The following PXDNL variants were observed in gnomAD, a reference collection of about 807,000 sequenced individuals.
PXDNL encodes peroxidasin like, also known as probable oxidoreductase PXDNL.
A neutral mutation model predicts 150.8 loss-of-function variants in PXDNL; 145 were observed. That is an observed-to-expected ratio of 0.96 (90% confidence interval 0.84 to 1.10). PXDNL has a LOEUF of 1.10. Among genes scored for constraint, PXDNL ranks in the 50% least tolerant of loss-of-function variants. The pLI is 0.00. For synonymous variants in PXDNL, 757 were observed against 725.7 expected (o/e 1.04, Z -0.69); for missense variants, 2,087 against 1,873.9 (o/e 1.11, Z -2.10).
chr8:51,413,259 C>T lies in PXDNL; in HGVS notation c.1796-1G>A. On this transcript the variant is annotated splice_acceptor_variant, in intron 14 of 22. Coordinates refer to ENST00000356297, the MANE Select transcript of PXDNL (RefSeq NM_144651.5). LOFTEE classifies it high-confidence loss of function. ...TCGCCAGCTTGTCTACCCTGTATAGCTTTGAAAATCAATTCCATGATTAAA... is the reference window on the plus strand; with the variant it reads ...TCGCCAGCTTGTCTACCCTGTATAGTTTTGAAAATCAATTCCATGATTAAA... 2 of 1,573,508 alleles carry T rather than the reference C, an allele frequency of 1.3e-6. No homozygotes were observed. The highest frequency in any genetic ancestry group is 1.7e-6 in the Non-Finnish European group (2 of 1,145,208).
intron 4 of PXDNL, among the ~76,000 whole-genome samples, chr8:51,532,779 G>C (rs896097060): frequency 1.3e-5 from 2 of 152,102 alleles, no homozygotes; most frequent in Non-Finnish European, 2.9e-5. Flanking sequence ...CTGGAACATG[G>C]ATGCAGAGCA....
chr8:51,339,445 C>G (rs1000870789), intron 21 of PXDNL, among the ~76,000 whole-genome samples, 179 bp downstream of exon 21: 1 of 152,046 alleles, frequency 6.6e-6, no homozygotes, highest in Non-Finnish European at 1.5e-5. Flanking sequence ...GCCGACAGAA[C>G]AAGACTGTGT....
intron 4 of PXDNL, among the ~76,000 whole-genome samples, chr8:51,513,492 A>G (rs1284289562): frequency 6.6e-6 from 1 of 152,238 alleles, no homozygotes; most frequent in Non-Finnish European, 1.5e-5. Context: ...TCTTTTTGTG[A>G]CTTCAGACAA....
At chr8:51,499,851 G>T in intron 4 of PXDNL, 81 bp from the exon 5 acceptor site, 1 of 901,570 alleles carries the variant, frequency 1.1e-6, no homozygotes, top group Non-Finnish European at 1.8e-6. Context: ...AATTGCTTCA[G>T]CTGAAATTAT....
chr8:51,613,523 G>A lies in PXDNL; in HGVS notation c.237-20825C>T, dbSNP rs372044101. On this transcript the variant is annotated intron_variant, in intron 2 of 22. Transcript: ENST00000356297. ...GGCGGCAGAGGGGGAAGACAAGCTT[G>A]CAGAGAAAAAGATGATTTCAAGGAT... is the stretch of plus-strand genomic sequence containing the variant. 2.4e-3 allele frequency among the ~76,000 whole-genome samples: 366 copies of A among 151,796 alleles called. 1 individual carries two copies. The highest frequency in any genetic ancestry group is 8.6e-3 in the African/African-American group (357 of 41,324).
chr8:51,353,668 A>G (rs978755694), intron 19 of PXDNL, among the ~76,000 whole-genome samples: 3 of 152,170 alleles, frequency 2.0e-5, no homozygotes, highest in African/African-American at 7.2e-5. Flanking sequence ...ATATTTGAAG[A>G]TAAAGTTAAT....
chr8:51,517,520 T>C (rs887374876), intron 4 of PXDNL, among the ~76,000 whole-genome samples: 1 of 152,204 alleles, frequency 6.6e-6, no homozygotes, highest in Non-Finnish European at 1.5e-5. Context: ...TGCTCATGCT[T>C]TCTAAGACTT....
chr8:51,599,161 T>C lies in PXDNL; in HGVS notation c.237-6463A>G, dbSNP rs115128170. On this transcript the variant is annotated intron_variant, in intron 2 of 22. Transcript: ENST00000356297. The stretch of plus-strand genomic sequence containing the variant: ...TAATCTAGCTAGTGGTCTATCCATC[T>C]TGTTTGCCTTTTTGAACAACCAACT... Among the ~76,000 whole-genome samples the C allele has an allele frequency of 2.5e-3, 388 of 152,280 alleles. 1 individual carries two copies. Among genetic ancestry groups the C allele is most frequent in the African/African-American group, 9.0e-3 (374 of 41,574 alleles).
chr8:51,738,407 A>G (rs1417731768), intron 1 of PXDNL, among the ~76,000 whole-genome samples: 1 of 152,146 alleles, frequency 6.6e-6, no homozygotes, highest in Non-Finnish European at 1.5e-5. Context: ...TGCACCTAAC[A>G]TTCCCTCTGC....
intron 1 of PXDNL, among the ~76,000 whole-genome samples, chr8:51,696,733 AGGT>A (rs1305820451): frequency 6.6e-6 from 1 of 152,002 alleles, no homozygotes; most frequent in African/African-American, 2.4e-5. Flanking sequence ...ATCCACACAC[AGGT>A]CCACACACAT....
intron 2 of PXDNL, among the ~76,000 whole-genome samples, chr8:51,598,218 T>C (rs1030340213): frequency 6.6e-6 from 1 of 152,174 alleles, no homozygotes; most frequent in African/African-American, 2.4e-5. Context: ...TTTTGATGCC[T>C]TTTATTTCTT....
At chr8:51,645,059 A>T (rs1814888174) in intron 2 of PXDNL, among the ~76,000 whole-genome samples, 1 of 152,084 alleles carries the variant, frequency 6.6e-6, no homozygotes, top group Admixed American at 6.5e-5. Flanking sequence ...CTGAAGACCC[A>T]GGAAAGCCCG....
chr8:51,406,469 T>G lies in PXDNL; in HGVS notation c.3557+1598A>C, dbSNP rs142625460. 1.7e-3 allele frequency among the ~76,000 whole-genome samples: 263 copies of G among 152,276 alleles called. 1 individual carries two copies. The highest frequency in any genetic ancestry group is 5.8e-3 in the African/African-American group (241 of 41,558). ...CTCTCTTCAGGTCACTCTCTTGCTT[T>G]AGAGTTAAATACGGAGTGAAGATCA... On this transcript the variant is annotated intron_variant, in intron 17 of 22. Transcript: ENST00000356297.
intron 17 of PXDNL, among the ~76,000 whole-genome samples, chr8:51,380,640 T>C (rs1410465131): frequency 6.6e-6 from 1 of 152,240 alleles, no homozygotes; most frequent in Non-Finnish European, 1.5e-5. Context: ...TTATCCTTTC[T>C]GATCTTTATC....
chr8:51,677,399 A>C (rs1401793344), intron 1 of PXDNL, among the ~76,000 whole-genome samples: 2 of 152,348 alleles, frequency 1.3e-5, no homozygotes, highest in African/African-American at 4.8e-5. Flanking sequence ...TAAATGTTTC[A>C]AATGTTTGAT....
chr8:51,699,813 A>G (rs770085442), intron 1 of PXDNL, among the ~76,000 whole-genome samples: 3 of 152,186 alleles, frequency 2.0e-5, no homozygotes, highest in Non-Finnish European at 4.4e-5. Flanking sequence ...GAAGAGGGAA[A>G]CAAATTAGGT....
chr8:51,440,767 G>C (rs1463799475), intron 12 of PXDNL, among the ~76,000 whole-genome samples: 1 of 152,206 alleles, frequency 6.6e-6, no homozygotes, highest in Non-Finnish European at 1.5e-5. Flanking sequence ...AAACACAGCA[G>C]GGTATTAAGG....
chr8:51,442,227 A>G (rs1213987787), intron 12 of PXDNL, among the ~76,000 whole-genome samples: 1 of 150,798 alleles, frequency 6.6e-6, no homozygotes, highest in Non-Finnish European at 1.5e-5. Flanking sequence ...TGTGGGTTAC[A>G]TATTGTTTTC....
chr8:51,629,703 A>G (rs182653105), intron 2 of PXDNL, among the ~76,000 whole-genome samples: 6 of 152,312 alleles, frequency 3.9e-5, no homozygotes, highest in African/African-American at 1.4e-4. Flanking sequence ...CAAGCGACCC[A>G]CAGTAAGATT....
Sources: allele counts gnomAD v4.1 joint callset (sites outside exome capture counted in the v4.1 genomes callset), GRCh38; gene constraint gnomAD v4.1.1; transcripts MANE v1.5; gene names NCBI Gene and HGNC (gene_info 2026-07-23, HGNC 2026-07-21).